Variants in SOX6 observed in about 807,000 individuals in gnomAD.
SOX6 encodes SRY-box transcription factor 6.
Under a neutral mutation model 97.8 loss-of-function variants are expected in SOX6, and 11 were observed. The ratio of observed to expected loss-of-function variants is 0.11; its 90% CI spans 0.07 to 0.19. SOX6 has a LOEUF of 0.19. SOX6 is among the 10% of genes least tolerant of loss of function. The pLI, the probability that SOX6 is intolerant of heterozygous loss-of-function variation, is 1.00. For synonymous variants in SOX6, 360 were observed against 371.4 expected (o/e 0.97, Z 0.35); for missense variants, 810 against 1,039.5 (o/e 0.78, Z 3.04).
intron 13 of SOX6, among the ~76,000 whole-genome samples, chr11:15,999,694 A>T (rs1210339741): frequency 6.6e-6 from 1 of 152,174 alleles, no homozygotes; most frequent in African/African-American, 2.4e-5. Context: ...ACTAAAATGA[A>T]TTATTAAGAA....
intron 4 of SOX6, among the ~76,000 whole-genome samples, chr11:16,567,553 A>ATTTT (rs143314547): frequency 9.3e-6 from 1 of 107,066 alleles, no homozygotes; most frequent in Non-Finnish European, 1.9e-5. Flanking sequence ...GGTATGTCAT[A>ATTTT]TTTTTTTCTT....
intron 3 of SOX6, among the ~76,000 whole-genome samples, chr11:16,630,123 C>T (rs1386433438): frequency 2.6e-5 from 4 of 152,042 alleles, no homozygotes; most frequent in Non-Finnish European, 5.9e-5. Flanking sequence ...TTCTTTTCTT[C>T]TGCTAGCTTT....
At chr11:16,074,306 T>C (rs890949691) in intron 9 of SOX6, among the ~76,000 whole-genome samples, 1 of 152,126 alleles carries the variant, frequency 6.6e-6, no homozygotes, top group Non-Finnish European at 1.5e-5. Context: ...GTGACTACTA[T>C]GAACATCTCT....
At chr11:16,384,361 C>G (rs768391317) in intron 1 of SOX6, among the ~76,000 whole-genome samples, 6 of 151,718 alleles carry the variant, frequency 4.0e-5, no homozygotes, top group Non-Finnish European at 2.9e-5. Context: ...CAAATCACCT[C>G]CATGACATCC....
chr11:16,639,440 A>G (rs1848855051), intron 3 of SOX6, among the ~76,000 whole-genome samples: 1 of 152,174 alleles, frequency 6.6e-6, no homozygotes, highest in African/African-American at 2.4e-5. Context: ...AGTTTTTTCC[A>G]ATTCTGTGAA....
chr11:16,344,562 T>C (rs1856725648), intron 1 of SOX6, among the ~76,000 whole-genome samples: 1 of 151,920 alleles, frequency 6.6e-6, no homozygotes, highest in Non-Finnish European at 1.5e-5. Flanking sequence ...AAATCAAATA[T>C]ACCCATGTTT....
chr11:16,461,081 T>C (rs565312107), intron 1 of SOX6, among the ~76,000 whole-genome samples: 84 of 152,266 alleles, frequency 5.5e-4, no homozygotes, highest in African/African-American at 2.0e-3. Context: ...ATTTATGAGA[T>C]GGAAATGGAT....
At chr11:16,090,134 T>G (rs1290551885) in intron 9 of SOX6, among the ~76,000 whole-genome samples, 1 of 152,138 alleles carries the variant, frequency 6.6e-6, no homozygotes, top group Non-Finnish European at 1.5e-5. Flanking sequence ...TAAATGTAAT[T>G]ACATGCGTTC....
chr11:16,657,206 C>CA (rs1847729616), intron 3 of SOX6, among the ~76,000 whole-genome samples: 1 of 152,198 alleles, frequency 6.6e-6, no homozygotes, highest in South Asian at 2.1e-4. Context: ...ATGTTGGAAT[C>CA]ATAAAGTCTT....
chr11:16,260,521 T>C (rs1235251388), intron 3 of SOX6, among the ~76,000 whole-genome samples: 1 of 152,172 alleles, frequency 6.6e-6, no homozygotes, highest in Non-Finnish European at 1.5e-5. Flanking sequence ...CATTTGGCTA[T>C]GGACAAGCCA....
At position 16,132,505 on chromosome 11, in the gene SOX6, A is replaced by AAAGAAAGAAAGCAAGCAAGCAAGC. The variant is rs1451899878; in HGVS notation, c.778-20583_778-20582insGCTTGCTTGCTTGCTTTCTTTCTT. Among the ~76,000 whole-genome samples, 202 of 86,200 alleles carry AAAGAAAGAAAGCAAGCAAGCAAGC rather than the reference A, an allele frequency of 2.3e-3. 15 individuals are homozygous for AAAGAAAGAAAGCAAGCAAGCAAGC. The highest frequency in any genetic ancestry group is 4.3e-3 in the South Asian group (12 of 2,810). 56.6% of individuals were successfully genotyped at this position (86,200 alleles called of 152,430 possible). A position where few individuals can be genotyped will look rare whatever the true frequency, so the allele number is the denominator to read the frequency against. On this transcript the variant is annotated intron_variant, in intron 6 of 15. Transcript: ENST00000683767. ...GAAAGAAAGAAAGAAAGAAAGAAAGAAAGCTTATCTTTGTATCTAGGAAGA... is the reference window on the plus strand; with the variant it reads ...GAAAGAAAGAAAGAAAGAAAGAAAGAAAGAAAGAAAGCAAGCAAGCAAGCAAGCTTATCTTTGTATCTAGGAAGA...
At chr11:16,223,921 A>G (rs1450993536) in intron 4 of SOX6, among the ~76,000 whole-genome samples, 1 of 152,158 alleles carries the variant, frequency 6.6e-6, no homozygotes, top group Non-Finnish European at 1.5e-5. Flanking sequence ...ATATCAAAAC[A>G]TATCCTTTTT....
chr11:16,435,544 A>G (rs1170062365), intron 1 of SOX6, among the ~76,000 whole-genome samples: 2 of 152,082 alleles, frequency 1.3e-5, no homozygotes, highest in Non-Finnish European at 2.9e-5. Context: ...AGAAGCTAGG[A>G]AGAGGCAAAA....
intron 9 of SOX6, among the ~76,000 whole-genome samples, chr11:16,076,811 T>C (rs1014212998): frequency 1.4e-5 from 2 of 140,416 alleles, no homozygotes; most frequent in Non-Finnish European, 3.0e-5. Flanking sequence ...CGGACTGCAG[T>C]GGCGCAATCT....
At chr11:16,547,560 A>T (rs1434318161) in intron 4 of SOX6, among the ~76,000 whole-genome samples, 1 of 152,170 alleles carries the variant, frequency 6.6e-6, no homozygotes, top group African/African-American at 2.4e-5. Context: ...CAAATACTGC[A>T]TGTTCTCACT....
chr11:16,067,708 G>T (rs1848126096), intron 9 of SOX6, among the ~76,000 whole-genome samples: 1 of 152,096 alleles, frequency 6.6e-6, no homozygotes, highest in Admixed American at 6.6e-5. Context: ...TGCTTGAGAG[G>T]ATGGATACCC....
intron 4 of SOX6, among the ~76,000 whole-genome samples, chr11:16,515,046 C>G (rs377473234): frequency 6.6e-6 from 1 of 151,280 alleles, no homozygotes; most frequent in Non-Finnish European, 1.5e-5. Flanking sequence ...ATTTATAGTC[C>G]TTTGGGTATA....
chr11:16,125,883 AT>A (rs1355615504), intron 6 of SOX6, among the ~76,000 whole-genome samples: 2 of 122,988 alleles, frequency 1.6e-5, no homozygotes, highest in African/African-American at 5.9e-5. Flanking sequence ...AGGAAAGTTT[AT>A]TTGAGTGAAG....
rs1853258077 is a variant in SOX6, at chr11:15,970,109, A to T, written c.*2700T>A. On this transcript the variant is annotated 3_prime_UTR_variant, in exon 16 of 16. Coordinates refer to ENST00000683767, the MANE Select transcript of SOX6 (RefSeq NM_001367873.1). ...CTGTGAGGCAAGCCCACACGAGTCG[A>T]AACAGATGACTTTTGTTCATGTAGT... 6.6e-6 allele frequency: 1 copy of T among 152,310 alleles called. No homozygotes were observed. Among genetic ancestry groups the T allele is most frequent in the Non-Finnish European group, 1.5e-5 (1 of 68,048 alleles). 9.4% of individuals were successfully genotyped at this position (152,310 alleles called of 1,614,324 possible). A position where few individuals can be genotyped will look rare whatever the true frequency, so the allele number is the denominator to read the frequency against.
Sources: allele counts gnomAD v4.1 joint callset (sites outside exome capture counted in the v4.1 genomes callset), GRCh38; gene constraint gnomAD v4.1.1; transcripts MANE v1.5; gene names NCBI Gene and HGNC (gene_info 2026-07-23, HGNC 2026-07-21).